The following FGD3 variants were observed in gnomAD, a reference collection of about 807,000 sequenced individuals.
FGD3 encodes FYVE, RhoGEF and PH domain containing 3, also known as FYVE, RhoGEF and PH domain-containing protein 3.
FGD3 carries 45 observed loss-of-function variants against 71.8 expected under a neutral mutation model. That is an observed-to-expected ratio of 0.63 (90% CI 0.49 to 0.80). The LOEUF is 0.80. Ranked by LOEUF, FGD3 falls within the 30% of genes least tolerant of loss-of-function variation. The probability of loss-of-function intolerance (pLI) is 0.00; values close to 1 mark genes in which losing one functional copy is unlikely to be tolerated. For synonymous variants in FGD3, 378 were observed against 392.8 expected, an observed-to-expected ratio of 0.96 and a Z score of 0.44; for missense variants, 844 against 951.5, an observed-to-expected ratio of 0.89 and a Z score of 1.49.
chr9:93,009,297 G>A (rs1397431432), intron 6 of FGD3, among the ~76,000 whole-genome samples: 1 of 152,220 alleles, frequency 6.6e-6, no homozygotes, highest in Non-Finnish European at 1.5e-5. Context: ...GAGATACTTG[G>A]AGATTATGTG....
At chr9:92,982,737 G>A (rs1002283465) in intron 3 of FGD3, among the ~76,000 whole-genome samples, 12 of 151,896 alleles carry the variant, frequency 7.9e-5, no homozygotes, top group African/African-American at 2.7e-4. Flanking sequence ...AATCTCCAAC[G>A]TTATCAGAAA....
chr9:92,953,004 C>T (rs1858984526), intron 1 of FGD3, among the ~76,000 whole-genome samples: 2 of 152,150 alleles, frequency 1.3e-5, no homozygotes, highest in Admixed American at 1.3e-4. Flanking sequence ...TACCACTTGG[C>T]AGAATGTGAT....
intron 13 of FGD3, among the ~76,000 whole-genome samples, chr9:93,021,723 G>A (rs1467978934): frequency 6.6e-6 from 1 of 152,168 alleles, no homozygotes; most frequent in Non-Finnish European, 1.5e-5. Flanking sequence ...GGGTCTGCCT[G>A]GCACAGCCCA....
chr9:92,961,988 C>G (rs1859175575), intron 1 of FGD3, among the ~76,000 whole-genome samples: 1 of 152,234 alleles, frequency 6.6e-6, no homozygotes, highest in African/African-American at 2.4e-5. Context: ...CACAGGTCAG[C>G]TCTATTCACA....
Position 92,959,777 on chromosome 9 carries a change from G to A in FGD3, c.-218+12048G>A, listed in dbSNP as rs945089671. On this transcript the variant is annotated intron_variant, in intron 1 of 17. Transcript: ENST00000375482. ...AATGTCCTTGCTCATTTGTGTGGGT[G>A]TTTTGGAAGGTCGATGGCTGAAGCG... Among the ~76,000 whole-genome samples the A allele has an allele frequency of 3.3e-5, 5 of 151,470 alleles. 1 individual carries two copies. Among genetic ancestry groups the A allele is most frequent in the African/African-American group, 1.2e-4 (5 of 41,254 alleles).
chr9:93,007,017 G>A (rs905424080), intron 6 of FGD3, among the ~76,000 whole-genome samples: 9 of 151,870 alleles, frequency 5.9e-5, no homozygotes, highest in Middle Eastern at 3.4e-3. Context: ...GTGAGCCACC[G>A]CGCCCCGCCT....
chr9:92,988,093 G>C (rs1013867949), intron 3 of FGD3, among the ~76,000 whole-genome samples: 1 of 152,128 alleles, frequency 6.6e-6, no homozygotes, highest in Non-Finnish European at 1.5e-5. Context: ...TTAGGCACAA[G>C]GACACATTGA....
At chr9:93,006,696 A>C (rs754016722) in intron 6 of FGD3, among the ~76,000 whole-genome samples, 2 of 151,898 alleles carry the variant, frequency 1.3e-5, no homozygotes, top group African/African-American at 2.4e-5. Flanking sequence ...CATGTCACAG[A>C]TTATTTTCCC....
At position 93,015,733 on chromosome 9, in the gene FGD3, G is replaced by A. The variant is rs776337698; in HGVS notation, c.1183-4G>A. The A allele has an allele frequency of 1.9e-6, 3 of 1,613,876 alleles. No homozygotes were observed. The highest frequency in any genetic ancestry group is 2.7e-5 in the African/African-American group (2 of 74,910). On this transcript the variant is annotated splice_polypyrimidine_tract_variant and splice_region_variant and intron_variant, in intron 9 of 17. Transcript: ENST00000375482. ...GTTCCTCACCTGTGCCATCCCTCTT[G>A]CAGTTCAACAGCATGATCCTTTACT... is the stretch of plus-strand genomic sequence containing the variant.
At position 92,976,383 on chromosome 9, in the gene FGD3, T is replaced by G; in HGVS notation, c.127T>G (p.Cys43Gly). The G allele has an allele frequency of 1.2e-6, 2 of 1,610,878 alleles. No homozygotes were observed. Among genetic ancestry groups the G allele is most frequent in the South Asian group, 1.1e-5 (1 of 90,420 alleles). The change falls in exon 3 of 18, where the codon TGT (cysteine) becomes GGT (glycine). Residue 43 changes from cysteine to glycine, a missense_variant. Physicochemically the swap from Cys to Gly is radical, Grantham distance 159. Transcript: ENST00000375482. ...QALPVGPRAHCGDPVSLAAAG... is the reference protein window; with the variant it reads ...QALPVGPRAHGGDPVSLAAAG... Reference sequence around the variant, plus strand: ...GCTCCCTGTTGGGCCCAGAGCCCACTGTGGGGACCCTGTCAGCCTGGCTGC... The same window carrying G: ...GCTCCCTGTTGGGCCCAGAGCCCACGGTGGGGACCCTGTCAGCCTGGCTGC...
chr9:93,001,463 G>T (rs927276604), intron 3 of FGD3, among the ~76,000 whole-genome samples: 1 of 152,132 alleles, frequency 6.6e-6, no homozygotes, highest in African/African-American at 2.4e-5. Flanking sequence ...TGTGGTACTG[G>T]AGTGATTATT....
At chr9:93,020,668 A>G in intron 13 of FGD3, 1 of 477,584 alleles carries the variant, frequency 2.1e-6, no homozygotes. Context: ...AACCCCTGAG[A>G]CCAGAATAGG....
Position 92,976,156 on chromosome 9 carries a change from G to T in FGD3, c.-49-52G>T. Reference sequence around the variant, plus strand: ...CTGCATTTGGGGGTTGCACCTGAGGGTGCTGGTCCATGCCTGGCTAGCACT... The same window carrying T: ...CTGCATTTGGGGGTTGCACCTGAGGTTGCTGGTCCATGCCTGGCTAGCACT... On this transcript the variant is annotated intron_variant, in intron 2 of 17. Transcript: ENST00000375482. 6 of 1,143,930 alleles carry T rather than the reference G, an allele frequency of 5.2e-6. No homozygotes were observed. In the South Asian group the frequency reaches 8.2e-5, roughly 16 times the overall value. The allele number at this position is 1,143,930 out of a possible 1,614,324, so 70.9% of individuals were successfully genotyped here.
chr9:92,970,929 T>A (rs2118550333), intron 1 of FGD3, among the ~76,000 whole-genome samples: 1 of 152,344 alleles, frequency 6.6e-6, no homozygotes, highest in South Asian at 2.1e-4. Context: ...AAGTAGCTCA[T>A]CCCTCTCCTG....
At chr9:92,973,649 C>T (rs565337142) in intron 1 of FGD3, among the ~76,000 whole-genome samples, 2 of 152,178 alleles carry the variant, frequency 1.3e-5, no homozygotes, top group African/African-American at 2.4e-5. Flanking sequence ...GAGTATTCAA[C>T]GCAATGCCCC....
intron 14 of FGD3, 114 bp downstream of exon 14, chr9:93,022,503 C>T (rs1861960658): frequency 2.0e-5 from 23 of 1,149,370 alleles, no homozygotes; most frequent in Admixed American, 8.7e-5. Flanking sequence ...CTCCTGGAGG[C>T]GGAGGGCTGA....
At chr9:93,023,199 A>G (rs1251647064) in intron 14 of FGD3, among the ~76,000 whole-genome samples, 1 of 152,186 alleles carries the variant, frequency 6.6e-6, no homozygotes, top group Non-Finnish European at 1.5e-5. Context: ...CAGGAATGAC[A>G]TGGCCCCAGA....
chr9:92,974,146 A>G (rs1463952618), intron 1 of FGD3, among the ~76,000 whole-genome samples: 1 of 152,094 alleles, frequency 6.6e-6, no homozygotes, highest in Non-Finnish European at 1.5e-5. Flanking sequence ...CTATTACTCC[A>G]TCCTGACCAG....
intron 7 of FGD3, 80 bp downstream of exon 7, chr9:93,010,464 A>T (rs1861275174): frequency 2.9e-6 from 4 of 1,372,008 alleles, no homozygotes; most frequent in South Asian, 2.7e-5. Flanking sequence ...AGGGAGAGAG[A>T]GAGTCGTGGG....
Sources: allele counts gnomAD v4.1 joint callset (sites outside exome capture counted in the v4.1 genomes callset), GRCh38; gene constraint gnomAD v4.1.1; transcripts MANE v1.5; gene names NCBI Gene and HGNC (gene_info 2026-07-23, HGNC 2026-07-21).